TNFRSF11B: variants seen among roughly 807,000 people sequenced by gnomAD.
TNFRSF11B encodes tumor necrosis factor receptor superfamily member 11B.
Under a neutral mutation model 43.4 loss-of-function variants are expected in TNFRSF11B, and 16 were observed. The ratio of observed to expected loss-of-function variants is 0.37; its 90% CI spans 0.25 to 0.56. The LOEUF is 0.56. TNFRSF11B is among the 20% of genes least tolerant of loss of function. The pLI is 0.80. For missense variants in TNFRSF11B, 444 were observed against 490.1 expected (o/e 0.91, Z 0.89); for synonymous variants, 185 against 181.8 (o/e 1.02, Z -0.14).
chr8:118,949,678 A>T lies in TNFRSF11B; in HGVS notation c.30+2114T>A, dbSNP rs1434054028. On this transcript the variant is annotated intron_variant, in intron 1 of 4. Coordinates refer to ENST00000297350, the MANE Select transcript of TNFRSF11B (RefSeq NM_002546.4). ...TCACCCAGTAGTTTCTTTCTTTGCAACTCTATATACACAATTACTTGCCCA... is the reference window on the plus strand; with the variant it reads ...TCACCCAGTAGTTTCTTTCTTTGCATCTCTATATACACAATTACTTGCCCA... Among the ~76,000 whole-genome samples the T allele has an allele frequency of 3.9e-5, 6 of 152,052 alleles. No individual in the cohort carries two copies. The East Asian group carries it at 1.2e-3, about 29-fold the overall frequency.
chr8:118,935,789 G>A (rs1812398933), intron 1 of TNFRSF11B, among the ~76,000 whole-genome samples: 1 of 142,532 alleles, frequency 7.0e-6, no homozygotes, highest in Admixed American at 7.3e-5. Context: ...GCTTTCAAGA[G>A]GCCTGGCTTA....
rs1392902089 is a variant in TNFRSF11B, at chr8:118,942,232, T to A, written c.31-8932A>T. Among the ~76,000 whole-genome samples the A allele has an allele frequency of 1.2e-3, 55 of 44,234 alleles. 1 individual carries two copies. Among genetic ancestry groups the A allele is most frequent in the Non-Finnish European group, 1.6e-4 (5 of 30,582 alleles). The allele number at this position is 44,234 out of a possible 152,430, so 29.0% of individuals were successfully genotyped here. A position where few individuals can be genotyped will look rare whatever the true frequency, so the allele number is the denominator to read the frequency against. ...ATCCCTTCCCCCTCCCCCCACCCCA[T>A]GACAGGCCCCCCCGTGTGTGATGTT... is the stretch of plus-strand genomic sequence containing the variant. On this transcript the variant is annotated intron_variant, in intron 1 of 4. Coordinates refer to ENST00000297350, the MANE Select transcript of TNFRSF11B (RefSeq NM_002546.4).
At chr8:118,948,794 A>C (rs935580249) in intron 1 of TNFRSF11B, among the ~76,000 whole-genome samples, 4 of 151,156 alleles carry the variant, frequency 2.6e-5, no homozygotes, top group Admixed American at 6.6e-5. Flanking sequence ...CAAACAAACA[A>C]AAAAAAACTT....
At chr8:118,950,801 T>G (rs1303426242) in intron 1 of TNFRSF11B, among the ~76,000 whole-genome samples, 1 of 152,228 alleles carries the variant, frequency 6.6e-6, no homozygotes, top group Non-Finnish European at 1.5e-5. Flanking sequence ...TATGTTTCTG[T>G]ATCCTAGGAA....
At chr8:118,942,603 T>C (rs7464496) in intron 1 of TNFRSF11B, among the ~76,000 whole-genome samples, 90,972 of 151,972 alleles carry the variant, frequency 0.6, 29,673 homozygotes, top group African/African-American at 0.87. Flanking sequence ...TCTATTATTA[T>C]ATATGGGGCT....
intron 3 of TNFRSF11B, among the ~76,000 whole-genome samples, chr8:118,928,479 G>C (rs1563688986): frequency 6.6e-6 from 1 of 152,164 alleles, no homozygotes; most frequent in African/African-American, 2.4e-5. Context: ...ACTGCCCTTT[G>C]CCTATGGGCA....
intron 3 of TNFRSF11B, among the ~76,000 whole-genome samples, chr8:118,927,257 T>C (rs1256409502): frequency 6.6e-6 from 1 of 152,176 alleles, no homozygotes; most frequent in Non-Finnish European, 1.5e-5. Flanking sequence ...ACTATGTTAT[T>C]TACATAGGCA....
chr8:118,938,802 C>T (rs1315256400), intron 1 of TNFRSF11B, among the ~76,000 whole-genome samples: 1 of 152,176 alleles, frequency 6.6e-6, no homozygotes, highest in Non-Finnish European at 1.5e-5. Context: ...TATGCATCTT[C>T]CTAAAAAACA....
intron 2 of TNFRSF11B, among the ~76,000 whole-genome samples, chr8:118,931,603 G>A (rs2129893504): frequency 6.6e-6 from 1 of 152,252 alleles, no homozygotes; most frequent in African/African-American, 2.4e-5. Flanking sequence ...CCATCCAATA[G>A]AAAGTAGGAA....
At chr8:118,936,405 G>T (rs1434202933) in intron 1 of TNFRSF11B, among the ~76,000 whole-genome samples, 1 of 152,114 alleles carries the variant, frequency 6.6e-6, no homozygotes, top group African/African-American at 2.4e-5. Context: ...GCCAAAATTG[G>T]ATGTTTAGGT....
At chr8:118,942,237 G>A (rs912726134) in intron 1 of TNFRSF11B, among the ~76,000 whole-genome samples, 29 of 46,218 alleles carry the variant, frequency 6.3e-4, no homozygotes, top group Non-Finnish European at 8.4e-4. Flanking sequence ...CCCCATGACA[G>A]GCCCCCCCGT....
chr8:118,947,337 G>T (rs886844552), intron 1 of TNFRSF11B, among the ~76,000 whole-genome samples: 35 of 151,994 alleles, frequency 2.3e-4, no homozygotes, highest in Middle Eastern at 3.2e-3. Context: ...TCTCTTTATA[G>T]CTCCTTTAAC....
Position 118,948,097 on chromosome 8 carries a change from A to G in TNFRSF11B, c.30+3695T>C, listed in dbSNP as rs142936961. ...AAAGGATTTATTGTAAAAGTGCATG[A>G]AAGAAATCTGATATAATTGAGAACT... On this transcript the variant is annotated intron_variant, in intron 1 of 4. Coordinates refer to ENST00000297350, the MANE Select transcript of TNFRSF11B (RefSeq NM_002546.4). Among the ~76,000 whole-genome samples, 5 of 152,320 alleles carry G rather than the reference A, an allele frequency of 3.3e-5. No individual in the cohort carries two copies. In the East Asian group the frequency reaches 9.6e-4, roughly 29 times the overall value.
At position 118,924,890 on chromosome 8, in the gene TNFRSF11B, T is replaced by G. The variant is rs531342580; in HGVS notation, c.818-128A>C. On this transcript the variant is annotated intron_variant, in intron 4 of 4. Transcript: ENST00000297350. ...TTATATTTCAATGATAACCTTTTCT[T>G]TTGAGAGGGAGTTAAGTGACACCAT... The G allele has an allele frequency of 1.0e-5, 12 of 1,184,682 alleles. No homozygotes were observed. In the East Asian group the frequency reaches 3.0e-4, roughly 30 times the overall value. The allele number at this position is 1,184,682 out of a possible 1,614,324, so 73.4% of individuals were successfully genotyped here. A position where few individuals can be genotyped will look rare whatever the true frequency, so the allele number is the denominator to read the frequency against.
In TNFRSF11B at chr8:118,924,615, C is replaced by G. The variant is rs1283492737; in HGVS notation, c.965G>C (p.Ser322Thr). 17 of 1,614,152 alleles carry G rather than the reference C, an allele frequency of 1.1e-5. No individual in the cohort carries two copies. The highest frequency in any genetic ancestry group is 1.4e-5 in the Non-Finnish European group (17 of 1,180,042). The change falls in exon 5 of 5, where the codon AGT (serine) becomes ACT (threonine). Residue 322 changes from serine (S) to threonine (T), a missense_variant. Physicochemically the swap from Ser to Thr is moderately conservative, Grantham distance 58 (BLOSUM62 1). Coordinates refer to ENST00000297350, the MANE Select transcript of TNFRSF11B (RefSeq NM_002546.4). ...ACTGAGCAGCTTCAGGATCTGGTCA[C>G]TGGGTTTGCATGCCTTTATTGTTTT... ...IEKTIKACKP[S>T]DQILKLLSLW...
chr8:118,938,307 C>T (rs577867957), intron 1 of TNFRSF11B, among the ~76,000 whole-genome samples: 2 of 152,050 alleles, frequency 1.3e-5, no homozygotes, highest in Non-Finnish European at 2.9e-5. Flanking sequence ...TTCAAGCATA[C>T]ATGTATTAAA....
chr8:118,940,180 T>C lies in TNFRSF11B; in HGVS notation c.31-6880A>G, dbSNP rs755441093. Among the ~76,000 whole-genome samples the C allele has an allele frequency of 3.2e-4, 48 of 152,136 alleles. No homozygotes were observed. In the Middle Eastern group the frequency reaches 0.01, roughly 32 times the overall value. The stretch of plus-strand genomic sequence containing the variant: ...GAACATCACACACCAGGGCCTGTCG[T>C]GGGGTGGGGGGAGCAGGGAGGGATA... On this transcript the variant is annotated intron_variant, in intron 1 of 4. Transcript: ENST00000297350.
intron 1 of TNFRSF11B, among the ~76,000 whole-genome samples, chr8:118,950,039 A>G (rs1438953238): frequency 6.6e-6 from 1 of 152,230 alleles, no homozygotes; most frequent in Non-Finnish European, 1.5e-5. Flanking sequence ...ATCATCTAAA[A>G]TTAGTATTAT....
At position 118,928,830 on chromosome 8, in the gene TNFRSF11B, C is replaced by G; in HGVS notation, c.500G>C (p.Ser167Thr). Residue 167 changes from serine to threonine, a missense_variant, in exon 3 of 5, where the codon AGT (serine) becomes ACT (threonine). Physicochemically the swap from Ser to Thr is moderately conservative, Grantham distance 58. Coordinates refer to ENST00000297350, the MANE Select transcript of TNFRSF11B (RefSeq NM_002546.4). ...CTGAGTTAGCAGGAGACCAAAGACA[C>G]TGCAATTTGTGTGTTTTCTACAGGG... ...KAPCRKHTNC[S>T]VFGLLLTQKG... is the part of the protein sequence containing the mutation. 1 of 1,614,174 alleles carries G rather than the reference C, an allele frequency of 6.2e-7. No homozygotes were observed. Among genetic ancestry groups the G allele is most frequent in the Non-Finnish European group, 8.5e-7 (1 of 1,180,024 alleles).
Sources: allele counts gnomAD v4.1 joint callset (sites outside exome capture counted in the v4.1 genomes callset), GRCh38; gene constraint gnomAD v4.1.1; transcripts MANE v1.5; gene names NCBI Gene and HGNC (gene_info 2026-07-23, HGNC 2026-07-21).